Variants in OR7C2 observed in about 807,000 individuals in gnomAD.
The protein encoded by OR7C2 is olfactory receptor 7C2.
For missense variants in OR7C2, 374 were observed against 387.4 expected, an observed-to-expected ratio of 0.97 and a Z score of 0.29; for synonymous variants, 160 against 157.7, an observed-to-expected ratio of 1.01 and a Z score of -0.11.
rs1568279493 is a variant in OR7C2 at position 14,941,586 on chromosome 19, C to T, written c.98C>T (p.Ser33Phe). ...MQLLLHGLFL[S>F]MYLVTIIGNL... is the part of the protein sequence containing the mutation. ...CTTCTCCTCCATGGGCTGTTCCTCT[C>T]CATGTACCTGGTTACCATCATCGGA... is the stretch of plus-strand genomic sequence containing the variant. Residue 33 changes from serine (S) to phenylalanine (F), a missense_variant, in exon 1 of 1, where the codon TCC (serine) becomes TTC (phenylalanine). Transcript: ENST00000248072. 6.2e-7 allele frequency: 1 copy of T among 1,614,082 alleles called. No homozygotes were observed. The highest frequency in any genetic ancestry group is 1.6e-4 in the Middle Eastern group (1 of 6,062).
chr19:14,942,342 A>C lies in OR7C2; in HGVS notation c.854A>C (p.Asn285Thr). Residue 285 changes from asparagine to threonine, a missense_variant, in exon 1 of 1, where the codon AAC becomes ACC. By Grantham distance (65) the Asn-to-Thr change is moderately conservative. Coordinates refer to ENST00000248072, the MANE Select transcript of OR7C2 (RefSeq NM_012377.1). ...VMYTMVTPML[N>T]PFIYSLRNKD... ...TACACCATGGTCACCCCCATGCTGA[A>C]CCCCTTCATCTACAGCCTGAGGAAC... 6.2e-7 allele frequency: 1 copy of C among 1,613,708 alleles called. No individual in the cohort carries two copies.
rs2045355121 is a variant in OR7C2, at chr19:14,942,244, C to T, written c.756C>T (p.Gly252=). 1 of 1,614,016 alleles carries T rather than the reference C, an allele frequency of 6.2e-7. No homozygotes were observed. Among genetic ancestry groups the T allele is most frequent in the Admixed American group, 1.7e-5 (1 of 59,990 alleles). The part of the protein sequence containing the change: ...SHLSVVSLFY[G]TGLGVYLSSA... ...TCTCAGTGGTCAGCTTGTTCTATGG[C>T]ACTGGCCTTGGGGTCTATCTCAGTT... The change falls in exon 1 of 1, where the codon GGC becomes GGT. Residue 252 remains glycine (G), a synonymous_variant. Transcript: ENST00000248072.
Position 14,941,801 on chromosome 19 carries a change from A to G in OR7C2, c.313A>G (p.Ile105Val), listed in dbSNP as rs1400355238. The change falls in exon 1 of 1, where the codon ATT (isoleucine) becomes GTT (valine). Residue 105 changes from isoleucine (I) to valine (V), a missense_variant. Transcript: ENST00000248072. ...AGCLTQIFFF[I>V]AFGCLDNLLL... is the part of the protein sequence containing the mutation. ...CTGCCTCACTCAGATATTTTTTTTC[A>G]TTGCATTTGGATGCCTGGACAATTT... The G allele has an allele frequency of 1.2e-6, 2 of 1,613,862 alleles. No homozygotes were observed. The highest frequency in any genetic ancestry group is 8.5e-7 in the Non-Finnish European group (1 of 1,180,004).
rs2045354254 is a variant in OR7C2 at position 14,942,092 on chromosome 19, G to C, written c.604G>C (p.Val202Leu). The change falls in exon 1 of 1, where the codon GTG becomes CTG. Residue 202 changes from valine to leucine, a missense_variant. Transcript: ENST00000248072. ...TFINNIVMYF[V>L]TIVLGVFPLC... ...CATCAATAACATCGTGATGTATTTT[G>C]TGACCATTGTCCTGGGTGTTTTTCC... 7.4e-6 allele frequency: 12 copies of C among 1,613,950 alleles called. No homozygotes were observed. The highest frequency in any genetic ancestry group is 1.0e-5 in the Non-Finnish European group (12 of 1,180,020).
chr19:14,942,051 C>T lies in OR7C2; in HGVS notation c.563C>T (p.Ala188Val), dbSNP rs1291390751. Residue 188 changes from alanine (A) to valine (V), a missense_variant, in exon 1 of 1, where the codon GCC becomes GTC. Physicochemically the swap from Ala to Val is moderately conservative, Grantham distance 64. Transcript: ENST00000248072. ...FCDPSEVLKL[A>V]CSDTFINNIV... ...GATCCTTCCGAAGTCCTGAAGCTGG[C>T]CTGTTCTGACACCTTCATCAATAAC... 1.4e-5 allele frequency: 22 copies of T among 1,614,114 alleles called. No homozygotes were observed. The highest frequency in any genetic ancestry group is 1.9e-5 in the Non-Finnish European group (22 of 1,180,010).
At position 14,942,206 on chromosome 19, in the gene OR7C2, T is replaced by A; in HGVS notation, c.718T>A (p.Cys240Ser). The A allele has an allele frequency of 6.2e-7, 1 of 1,614,116 alleles. No individual in the cohort carries two copies. The highest frequency in any genetic ancestry group is 8.5e-7 in the Non-Finnish European group (1 of 1,180,024). ...AGGCCAGCACAAAGCCTTTTCCACC[T>A]GTGGTTCCCACCTCTCAGTGGTCAG... ...ARGQHKAFST[C>S]GSHLSVVSLF... Residue 240 changes from cysteine (C) to serine (S), a missense_variant, in exon 1 of 1, where the codon TGT (cysteine) becomes AGT (serine). By Grantham distance (112) the Cys-to-Ser change is moderately radical. Coordinates refer to ENST00000248072, the MANE Select transcript of OR7C2 (RefSeq NM_012377.1).
At position 14,942,400 on chromosome 19, in the gene OR7C2, C is replaced by T. The variant is rs2045355993; in HGVS notation, c.912C>T (p.Leu304=). ...KDMKGSLGRL[L]LRATSLKEGT... The stretch of plus-strand genomic sequence containing the variant: ...TGAAGGGGTCACTGGGGAGACTCCT[C>T]CTCAGGGCAACGTCTCTCAAAGAGG... Residue 304 remains leucine, a synonymous_variant, in exon 1 of 1, where the codon CTC becomes CTT. Coordinates refer to ENST00000248072, the MANE Select transcript of OR7C2 (RefSeq NM_012377.1). 3.1e-6 allele frequency: 5 copies of T among 1,614,086 alleles called. No individual in the cohort carries two copies. Among genetic ancestry groups the T allele is most frequent in the South Asian group, 1.1e-5 (1 of 91,076 alleles).
chr19:14,942,063 C>T lies in OR7C2; in HGVS notation c.575C>T (p.Thr192Ile). The change falls in exon 1 of 1, where the codon ACC (threonine) becomes ATC (isoleucine). Residue 192 changes from threonine to isoleucine, a missense_variant. Transcript: ENST00000248072. ...SEVLKLACSDTFINNIVMYFV... is the reference protein window; with the variant it reads ...SEVLKLACSDIFINNIVMYFV... The stretch of plus-strand genomic sequence containing the variant: ...GTCCTGAAGCTGGCCTGTTCTGACA[C>T]CTTCATCAATAACATCGTGATGTAT... The T allele has an allele frequency of 2.5e-6, 4 of 1,614,112 alleles. No homozygotes were observed. Among genetic ancestry groups the T allele is most frequent in the Non-Finnish European group, 3.4e-6 (4 of 1,180,012 alleles).
At position 14,942,193 on chromosome 19, in the gene OR7C2, A is replaced by G; in HGVS notation, c.705A>G (p.Lys235=). 1.2e-6 allele frequency: 2 copies of G among 1,613,588 alleles called. No individual in the cohort carries two copies. Among genetic ancestry groups the G allele is most frequent in the South Asian group, 1.1e-5 (1 of 91,028 alleles). The change falls in exon 1 of 1, where the codon AAA becomes AAG. Residue 235 remains lysine, a synonymous_variant. Transcript: ENST00000248072. ...VLRVSARGQH[K]AFSTCGSHLS... ...GAGTATCTGCCAGAGGCCAGCACAAAGCCTTTTCCACCTGTGGTTCCCACC... is the reference window on the plus strand; with the variant it reads ...GAGTATCTGCCAGAGGCCAGCACAAGGCCTTTTCCACCTGTGGTTCCCACC...
rs2045352737 is a variant in OR7C2 at position 14,941,860 on chromosome 19, G to A, written c.372G>A (p.Val124=). 1.9e-6 allele frequency: 3 copies of A among 1,614,012 alleles called. No homozygotes were observed. In the East Asian group the frequency reaches 6.7e-5, roughly 36 times the overall value. The part of the protein sequence containing the change: ...LLTMTAYDRF[V]AICYPLHYTV... ...CCATGACGGCCTATGACCGCTTCGT[G>A]GCCATCTGTTACCCCCTGCACTACA... The change falls in exon 1 of 1, where the codon GTG becomes GTA. Residue 124 remains valine (V), a synonymous_variant. Transcript: ENST00000248072.
At position 14,941,729 on chromosome 19, in the gene OR7C2, A is replaced by T. The variant is rs753442149; in HGVS notation, c.241A>T (p.Met81Leu). ...TTTCACATCCACGACTGTCCCAAAG[A>T]TGCTGGTGAATATCCAAACACAAAG... ...ICFTSTTVPKMLVNIQTQSKM... is the reference protein window; with the variant it reads ...ICFTSTTVPKLLVNIQTQSKM... Residue 81 changes from methionine (M) to leucine (L), a missense_variant, in exon 1 of 1, where the codon ATG becomes TTG. Coordinates refer to ENST00000248072, the MANE Select transcript of OR7C2 (RefSeq NM_012377.1). The T allele has an allele frequency of 3.1e-6, 5 of 1,614,154 alleles. No individual in the cohort carries two copies. The East Asian group carries it at 1.1e-4, about 36-fold the overall frequency.
At position 14,942,123 on chromosome 19, in the gene OR7C2, G is replaced by A. The variant is rs2145151225; in HGVS notation, c.635G>A (p.Cys212Tyr). ...VTIVLGVFPL[C>Y]GILFSYSQIF... ...ATTGTCCTGGGTGTTTTTCCTCTCT[G>A]TGGAATCCTATTCTCTTATTCTCAG... The change falls in exon 1 of 1, where the codon TGT becomes TAT. Residue 212 changes from cysteine (C) to tyrosine (Y), a missense_variant. Cys to Tyr is a radical substitution (Grantham distance 194). Transcript: ENST00000248072. 1 of 1,613,504 alleles carries A rather than the reference G, an allele frequency of 6.2e-7. No individual in the cohort carries two copies. Among genetic ancestry groups the A allele is most frequent in the Middle Eastern group, 1.6e-4 (1 of 6,062 alleles).
Position 14,941,601 on chromosome 19 carries a change from C to G in OR7C2, c.113C>G (p.Thr38Ser), listed in dbSNP as rs267605311. 6 of 1,613,968 alleles carry G rather than the reference C, an allele frequency of 3.7e-6. No homozygotes were observed. Among genetic ancestry groups the G allele is most frequent in the African/African-American group, 1.3e-5 (1 of 74,872 alleles). ...CTGTTCCTCTCCATGTACCTGGTTA[C>G]CATCATCGGAAACCTGCTCATCATC... The part of the protein sequence containing the change: ...HGLFLSMYLV[T>S]IIGNLLIILT... Residue 38 changes from threonine to serine, a missense_variant, in exon 1 of 1, where the codon ACC becomes AGC. Thr to Ser is a moderately conservative substitution (Grantham distance 58). Transcript: ENST00000248072.
At position 14,942,196 on chromosome 19, in the gene OR7C2, C is replaced by CAAA; in HGVS notation, c.708_709insAAA (p.Ala236_Phe237insLys). 6.2e-7 allele frequency: 1 copy of CAAA among 1,613,984 alleles called. No individual in the cohort carries two copies. The highest frequency in any genetic ancestry group is 2.2e-5 in the East Asian group (1 of 44,876). ...TATCTGCCAGAGGCCAGCACAAAGC[C>CAAA]TTTTCCACCTGTGGTTCCCACCTCT... On this transcript the variant is annotated inframe_insertion, in exon 1 of 1. Coordinates refer to ENST00000248072, the MANE Select transcript of OR7C2 (RefSeq NM_012377.1).
chr19:14,942,054 G>A lies in OR7C2; in HGVS notation c.566G>A (p.Cys189Tyr). The change falls in exon 1 of 1, where the codon TGT becomes TAT. Residue 189 changes from cysteine to tyrosine, a missense_variant. Transcript: ENST00000248072. ...CDPSEVLKLA[C>Y]SDTFINNIVM... ...CCTTCCGAAGTCCTGAAGCTGGCCT[G>A]TTCTGACACCTTCATCAATAACATC... 6.2e-7 allele frequency: 1 copy of A among 1,614,100 alleles called. No homozygotes were observed. The highest frequency in any genetic ancestry group is 8.5e-7 in the Non-Finnish European group (1 of 1,180,012).
chr19:14,942,131 C>G lies in OR7C2; in HGVS notation c.643C>G (p.Leu215Val). The G allele has an allele frequency of 6.2e-7, 1 of 1,611,164 alleles. No homozygotes were observed. The highest frequency in any genetic ancestry group is 8.5e-7 in the Non-Finnish European group (1 of 1,179,458). ...GGGTGTTTTTCCTCTCTGTGGAATC[C>G]TATTCTCTTATTCTCAGATTTTCTC... ...VLGVFPLCGILFSYSQIFSSV... is the reference protein window; with the variant it reads ...VLGVFPLCGIVFSYSQIFSSV... Residue 215 changes from leucine (L) to valine (V), a missense_variant, in exon 1 of 1, where the codon CTA (leucine) becomes GTA (valine). Coordinates refer to ENST00000248072, the MANE Select transcript of OR7C2 (RefSeq NM_012377.1).
At position 14,941,909 on chromosome 19, in the gene OR7C2, T is replaced by C; in HGVS notation, c.421T>C (p.Cys141Arg). Reference sequence around the variant, plus strand: ...CACGGTCATCATGAACCCCCGGCTCTGTGGACTGCTGGTTCTGGGGTCCTG... The same window carrying C: ...CACGGTCATCATGAACCCCCGGCTCCGTGGACTGCTGGTTCTGGGGTCCTG... Reference protein sequence around the residue: ...HYTVIMNPRLCGLLVLGSWCI... With the variant: ...HYTVIMNPRLRGLLVLGSWCI... Residue 141 changes from cysteine (C) to arginine (R), a missense_variant, in exon 1 of 1, where the codon TGT becomes CGT. By Grantham distance (180) the Cys-to-Arg change is radical (BLOSUM62 -3). Coordinates refer to ENST00000248072, the MANE Select transcript of OR7C2 (RefSeq NM_012377.1). 1 of 1,614,168 alleles carries C rather than the reference T, an allele frequency of 6.2e-7. No homozygotes were observed. The highest frequency in any genetic ancestry group is 1.7e-5 in the Admixed American group (1 of 60,012).
rs11883178 is a variant in OR7C2, at chr19:14,941,853, G to A, written c.365G>A (p.Arg122His). The change falls in exon 1 of 1, where the codon CGC (arginine) becomes CAC (histidine). Residue 122 changes from arginine (R) to histidine (H), a missense_variant. Transcript: ENST00000248072. ...CTCCTGACCATGACGGCCTATGACC[G>A]CTTCGTGGCCATCTGTTACCCCCTG... Reference protein sequence around the residue: ...NLLLTMTAYDRFVAICYPLHY... With the variant: ...NLLLTMTAYDHFVAICYPLHY... 0.014 allele frequency: 23,044 copies of A among 1,613,972 alleles called. 468 individuals carry two copies. The highest frequency in any genetic ancestry group is 0.093 in the African/African-American group (6,940 of 74,924).
Position 14,941,904 on chromosome 19 carries a change from G to T in OR7C2, c.416G>T (p.Arg139Leu). 1 of 1,613,966 alleles carries T rather than the reference G, an allele frequency of 6.2e-7. No individual in the cohort carries two copies. Residue 139 changes from arginine (R) to leucine (L), a missense_variant, in exon 1 of 1, where the codon CGG becomes CTG. By Grantham distance (102) the Arg-to-Leu change is moderately radical. Transcript: ENST00000248072. ...PLHYTVIMNP[R>L]LCGLLVLGSW... ...CACTACACGGTCATCATGAACCCCC[G>T]GCTCTGTGGACTGCTGGTTCTGGGG... is the stretch of plus-strand genomic sequence containing the variant.
Sources: allele counts gnomAD v4.1 joint callset, GRCh38; gene constraint gnomAD v4.1.1; transcripts MANE v1.5; gene names NCBI Gene and HGNC (gene_info 2026-07-23, HGNC 2026-07-21).